The following NEK7 variants were observed in gnomAD, a reference collection of about 807,000 sequenced individuals.
The protein encoded by NEK7 is NIMA related kinase 7, also known as serine/threonine-protein kinase Nek7.
NEK7 carries 18 observed loss-of-function variants against 44.6 expected under a neutral mutation model. That is an observed-to-expected ratio of 0.40 (90% CI 0.28 to 0.60). NEK7 has a LOEUF of 0.60. Among genes scored for constraint, NEK7 ranks in the 20% least tolerant of loss-of-function variants. The probability of loss-of-function intolerance (pLI) is 0.38; values close to 1 mark genes in which losing one functional copy is unlikely to be tolerated. For missense variants in NEK7, 256 were observed against 366.5 expected (o/e 0.70, Z 2.46); for synonymous variants, 130 against 121.1 (o/e 1.07, Z -0.48).
At chr1:198,299,692 T>G (rs1412787844) in intron 9 of NEK7, among the ~76,000 whole-genome samples, 1 of 152,214 alleles carries the variant, frequency 6.6e-6, no homozygotes, top group African/African-American at 2.4e-5. Flanking sequence ...TACTGCCAAA[T>G]TTTTAAGGTT....
intron 1 of NEK7, among the ~76,000 whole-genome samples, chr1:198,194,320 GGGCATGT>G (rs1253446612): frequency 1.3e-5 from 2 of 150,012 alleles, no homozygotes; most frequent in African/African-American, 4.9e-5. Context: ...TTTAAGTTCG[GGGCATGT>G]GGCAGGTTTC....
chr1:198,196,707 G>A (rs1490877526), intron 1 of NEK7, among the ~76,000 whole-genome samples: 1 of 152,196 alleles, frequency 6.6e-6, no homozygotes, highest in Admixed American at 6.5e-5. Context: ...AAGGAGGGAA[G>A]GGCAAAGGCA....
At chr1:198,284,721 A>G (rs764794937) in intron 7 of NEK7, among the ~76,000 whole-genome samples, 6 of 152,162 alleles carry the variant, frequency 3.9e-5, no homozygotes, top group East Asian at 1.9e-4. Flanking sequence ...TTACTAAGAG[A>G]TAAGTATCTT....
intron 5 of NEK7, among the ~76,000 whole-genome samples, chr1:198,264,821 CTGTT>C (rs34969255): frequency 0.17 from 26,061 of 151,728 alleles, 3,126 homozygotes; most frequent in African/African-American, 0.31. Flanking sequence ...AGCTTAAAAA[CTGTT>C]TGTCCTTGGG....
At chr1:198,284,233 A>G (rs1225704640) in intron 7 of NEK7, among the ~76,000 whole-genome samples, 1 of 152,162 alleles carries the variant, frequency 6.6e-6, no homozygotes, top group East Asian at 1.9e-4. Context: ...GTGGCTTCCT[A>G]GTCTGGGTTT....
At chr1:198,251,866 C>G (rs1350435100) in intron 2 of NEK7, among the ~76,000 whole-genome samples, 1 of 152,058 alleles carries the variant, frequency 6.6e-6, no homozygotes, top group Admixed American at 6.5e-5. Context: ...TTTTGTGTCT[C>G]TATTTCCTTC....
intron 1 of NEK7, among the ~76,000 whole-genome samples, chr1:198,168,791 G>A (rs1233186612): frequency 6.6e-6 from 1 of 152,144 alleles, no homozygotes; most frequent in Non-Finnish European, 1.5e-5. Context: ...GAAAGTGAAT[G>A]AAATGATTAC....
intron 1 of NEK7, among the ~76,000 whole-genome samples, chr1:198,174,407 C>T (rs958014866): frequency 2.0e-5 from 3 of 151,516 alleles, no homozygotes; most frequent in African/African-American, 4.8e-5. Context: ...TATTATGCTT[C>T]GTTTCTTGTG....
chr1:198,253,041 A>T lies in NEK7; in HGVS notation c.59A>T (p.Lys20Met). The stretch of plus-strand genomic sequence containing the variant: ...TTTTTCTGACATTTTTAATTACAGA[A>T]GGCCTTACGACCGGATATGGGCTAT... ...GPPVPQFQPQ[K>M]ALRPDMGYNT... is the part of the protein sequence containing the mutation. The change falls in exon 3 of 10, where the codon AAG becomes ATG. Residue 20 changes from lysine to methionine, a missense_variant and splice_region_variant. By Grantham distance (95) the Lys-to-Met change is moderately conservative. Around this residue, in one of 3 missense-constraint regions of NEK7, gnomAD observed 96 missense variants for 94.9 expected, o/e 1.01. Coordinates refer to ENST00000367385, the MANE Select transcript of NEK7 (RefSeq NM_133494.3). 1 of 1,600,430 alleles carries T rather than the reference A, an allele frequency of 6.2e-7. No homozygotes were observed. The highest frequency in any genetic ancestry group is 8.5e-7 in the Non-Finnish European group (1 of 1,174,286).
At chr1:198,281,392 T>C (rs142716060) in intron 7 of NEK7, among the ~76,000 whole-genome samples, 21 of 152,212 alleles carry the variant, frequency 1.4e-4, no homozygotes, top group African/African-American at 5.1e-4. Flanking sequence ...TTTTATTGTA[T>C]GTTGATTCAT....
At chr1:198,214,554 A>G (rs561614476) in intron 1 of NEK7, among the ~76,000 whole-genome samples, 2 of 152,358 alleles carry the variant, frequency 1.3e-5, no homozygotes, top group African/African-American at 4.8e-5. Context: ...AGTTTTAACA[A>G]TAGACTAGAT....
At chr1:198,277,044 C>T (rs1418715737) in intron 5 of NEK7, among the ~76,000 whole-genome samples, 1 of 151,528 alleles carries the variant, frequency 6.6e-6, no homozygotes, top group African/African-American at 2.4e-5. Flanking sequence ...TATTTTAAAA[C>T]AGTTAAAATT....
intron 1 of NEK7, among the ~76,000 whole-genome samples, chr1:198,205,713 T>G (rs551992394): frequency 2.0e-5 from 3 of 152,300 alleles, no homozygotes; most frequent in African/African-American, 7.2e-5. Context: ...AGTCTCAGAT[T>G]TGAGTTAATC....
At chr1:198,275,807 C>A (rs1160763306) in intron 5 of NEK7, among the ~76,000 whole-genome samples, 1 of 150,788 alleles carries the variant, frequency 6.6e-6, no homozygotes, top group African/African-American at 2.4e-5. Flanking sequence ...AACAGACAGG[C>A]TTTTCTCATT....
intron 1 of NEK7, among the ~76,000 whole-genome samples, chr1:198,228,106 C>T (rs999870368): frequency 3.3e-5 from 5 of 152,206 alleles, no homozygotes; most frequent in African/African-American, 1.2e-4. Flanking sequence ...GTTTTCCCAG[C>T]ACCATTTATT....
intron 3 of NEK7, chr1:198,256,182 C>T (rs1653257148): frequency 2.1e-6 from 2 of 944,486 alleles, no homozygotes; most frequent in African/African-American, 3.4e-5. Context: ...TCATTCATTT[C>T]TCTGCTTACA....
At chr1:198,316,319 A>G (rs1655366809) in intron 9 of NEK7, among the ~76,000 whole-genome samples, 1 of 152,220 alleles carries the variant, frequency 6.6e-6, no homozygotes, top group African/African-American at 2.4e-5. Flanking sequence ...CTAAATTGGT[A>G]TGAAGGTGAA....
In NEK7 at chr1:198,264,338, T is replaced by A. The variant is rs959856572; in HGVS notation, c.372+103T>A. The A allele has an allele frequency of 1.0e-5, 8 of 769,164 alleles. No individual in the cohort carries two copies. The Admixed American group carries it at 2.2e-4, about 21-fold the overall frequency. The allele number at this position is 769,164 out of a possible 1,614,324, so 47.6% of individuals were successfully genotyped here. A position where few individuals can be genotyped will look rare whatever the true frequency, so the allele number is the denominator to read the frequency against. ...TATTAGATATTTTAAACTAAAGACC[T>A]CAATGCAAAGCTTATCTGATAGATA... On this transcript the variant is annotated intron_variant, in intron 5 of 9. Coordinates refer to ENST00000367385, the MANE Select transcript of NEK7 (RefSeq NM_133494.3).
intron 7 of NEK7, among the ~76,000 whole-genome samples, chr1:198,280,733 A>T (rs548189107): frequency 6.7e-6 from 1 of 148,520 alleles, no homozygotes. Flanking sequence ...TGTAATATAT[A>T]TACATTATGT....
Sources: gnomAD v4.1 joint callset for allele counts (sites outside exome capture counted in the v4.1 genomes callset) on GRCh38, gnomAD v4.1.1 for gene constraint, gnomAD v4.1.1 regional missense constraint, MANE v1.5 for transcripts, NCBI Gene and HGNC (gene_info 2026-07-23, HGNC 2026-07-21) for gene names.